The following ABCA6 variants were observed in gnomAD, a reference collection of about 807,000 sequenced individuals.
ABCA6 encodes ATP-binding cassette sub-family A member 6.
ABCA6 carries 164 observed loss-of-function variants against 191.2 expected under a neutral mutation model. The ratio of observed to expected loss-of-function variants is 0.86; its 90% confidence interval spans 0.76 to 0.98. The LOEUF is 0.98. ABCA6 is among the 50% of genes least tolerant of loss of function. The probability of loss-of-function intolerance (pLI) is 0.00; values close to 1 mark genes in which losing one functional copy is unlikely to be tolerated. For missense variants in ABCA6, 1,958 were observed against 1,894.1 expected (o/e 1.03, Z -0.63); for synonymous variants, 636 against 647.7 (o/e 0.98, Z 0.27).
chr17:69,110,891 TA>T lies in ABCA6; in HGVS notation c.2181del (p.Thr728LeufsTer9). The T allele has an allele frequency of 6.2e-7, 1 of 1,611,622 alleles. No individual in the cohort carries two copies. The highest frequency in any genetic ancestry group is 8.5e-7 in the Non-Finnish European group (1 of 1,178,658). On this transcript the variant is annotated frameshift_variant, in exon 17 of 39. Coordinates refer to ENST00000284425, the MANE Select transcript of ABCA6 (RefSeq NM_080284.3). LOFTEE classifies it high-confidence loss of function. ...AATTTAGCATCGGGGATGTGATGAGTAATGAAGGATGTTATTTGTTCTGGGT... is the reference window on the plus strand; with the variant it reads ...AATTTAGCATCGGGGATGTGATGAGTATGAAGGATGTTATTTGTTCTGGGT... ...ICNPEQITSF[I>X]THHIPDAKLK...
At chr17:69,083,662 T>C (rs1026578908) in intron 34 of ABCA6, among the ~76,000 whole-genome samples, 2 of 152,212 alleles carry the variant, frequency 1.3e-5, no homozygotes, top group Non-Finnish European at 2.9e-5. Context: ...TATTGATACC[T>C]GCTGAAACTT....
intron 20 of ABCA6, 114 bp downstream of exon 20, chr17:69,105,348 G>T (rs1568013088): frequency 2.0e-6 from 2 of 1,008,654 alleles, no homozygotes; most frequent in Non-Finnish European, 2.9e-6. Context: ...TTCTATAAAT[G>T]AAGTTTAAAT....
chr17:69,107,870 GTAAAT>G (rs2144662279), intron 17 of ABCA6, 58 bp from the exon 18 acceptor site: 1 of 937,404 alleles, frequency 1.1e-6, no homozygotes, highest in Admixed American at 2.1e-5. Context: ...ACTAAACCAA[GTAAAT>G]TAATACTTAT....
intron 17 of ABCA6, chr17:69,109,850 G>A (rs1400737100): frequency 4.6e-5 from 7 of 152,068 alleles, no homozygotes; most frequent in Non-Finnish European, 1.0e-4. Context: ...GAGTAATGAT[G>A]CTGGCAATTT....
chr17:69,110,880 G>A lies in ABCA6; in HGVS notation c.2193C>T (p.Ile731=). 6.2e-7 allele frequency: 1 copy of A among 1,611,774 alleles called. No individual in the cohort carries two copies. The part of the protein sequence containing the change: ...EQITSFITHH[I]PDAKLKTENK... ...TTTCTGTTTTTAATTTAGCATCGGG[G>A]ATGTGATGAGTAATGAAGGATGTTA... The change falls in exon 17 of 39, where the codon ATC becomes ATT. Residue 731 remains isoleucine, a synonymous_variant. Transcript: ENST00000284425.
chr17:69,079,320 G>A (rs2072572187), intron 37 of ABCA6, 55 bp from the exon 38 acceptor site: 9 of 1,409,316 alleles, frequency 6.4e-6, no homozygotes, highest in Non-Finnish European at 8.7e-6. Context: ...TTATTACCAA[G>A]AATTTTTTCA....
At chr17:69,105,399 T>A in intron 20 of ABCA6, 63 bp downstream of exon 20, 244 of 1,256,012 alleles carry the variant, frequency 1.9e-4, no homozygotes, top group Non-Finnish European at 2.4e-4. Context: ...CCCCCCCACC[T>A]CCTGTGCTAT....
rs202159258 is a variant in ABCA6 at position 69,114,938 on chromosome 17, C to T, written c.1607-1G>A. ...TTTTTATTATAGATGGTAACTGATC[C>T]TAAGAATAGAAGTTAAAAATAAAAT... is the stretch of plus-strand genomic sequence containing the variant. On this transcript the variant is annotated splice_acceptor_variant, in intron 12 of 38. Transcript: ENST00000284425. LOFTEE classifies it high-confidence loss of function. The T allele has an allele frequency of 6.3e-7, 1 of 1,594,978 alleles. No individual in the cohort carries two copies. The highest frequency in any genetic ancestry group is 1.1e-5 in the South Asian group (1 of 88,470).
intron 25 of ABCA6, chr17:69,094,184 C>T (rs554543718): frequency 6.6e-6 from 1 of 152,326 alleles, no homozygotes; most frequent in Admixed American, 6.5e-5. Context: ...TGTTAGTTCA[C>T]AAGCCTAAGA....
intron 25 of ABCA6, chr17:69,094,434 T>G (rs2073001749): frequency 6.6e-6 from 1 of 152,422 alleles, no homozygotes; most frequent in South Asian, 2.1e-4. Context: ...TGGAAGATTC[T>G]GGCCTATTAA....
chr17:69,133,053 C>A lies in ABCA6; in HGVS notation c.791+588G>T, dbSNP rs535259935. On this transcript the variant is annotated intron_variant, in intron 6 of 38. Transcript: ENST00000284425. ...AAGATATAAATATCAATATATATAG[C>A]AAATGCCCTTGCTAAGGTCTTCTTA... Among the ~76,000 whole-genome samples the A allele has an allele frequency of 2.0e-5, 3 of 152,248 alleles. No homozygotes were observed. In the South Asian group the frequency reaches 6.2e-4, roughly 32 times the overall value.
At chr17:69,119,127 T>C (rs1173524392) in intron 10 of ABCA6, among the ~76,000 whole-genome samples, 2 of 152,226 alleles carry the variant, frequency 1.3e-5, no homozygotes, top group Non-Finnish European at 1.5e-5. Context: ...GAGTTTTTCT[T>C]GGCAGTGAAG....
In ABCA6 at chr17:69,085,124, T is replaced by A. The variant is rs759910624; in HGVS notation, c.4088A>T (p.Asn1363Ile). 6.2e-7 allele frequency: 1 copy of A among 1,613,222 alleles called. No individual in the cohort carries two copies. Among genetic ancestry groups the A allele is most frequent in the Non-Finnish European group, 8.5e-7 (1 of 1,179,600 alleles). The change falls in exon 32 of 39, where the codon AAC (asparagine) becomes ATC (isoleucine). Residue 1363 changes from asparagine (N) to isoleucine (I), a missense_variant. Coordinates refer to ENST00000284425, the MANE Select transcript of ABCA6 (RefSeq NM_080284.3). Reference sequence around the variant, plus strand: ...CAACGTCAGCATGGGCCACAGCACGTTCTCTTGAGGGCAGTACCCCAGGTG... The same window carrying A: ...CAACGTCAGCATGGGCCACAGCACGATCTCTTGAGGGCAGTACCCCAGGTG... ...LGHLGYCPQE[N>I]VLWPMLTLRE...
chr17:69,113,092 C>T (rs1397689485), intron 15 of ABCA6, 130 bp downstream of exon 15: 4 of 1,059,562 alleles, frequency 3.8e-6, no homozygotes, highest in Non-Finnish European at 5.0e-6. Context: ...AGACTCCTGT[C>T]GTCCTCCTGA....
chr17:69,082,793 T>G, intron 36 of ABCA6, 80 bp downstream of exon 36: 2 of 1,570,154 alleles, frequency 1.3e-6, no homozygotes, highest in East Asian at 2.2e-5. Context: ...CAAATCACTA[T>G]GAAGTTCTCA....
intron 3 of ABCA6, among the ~76,000 whole-genome samples, 196 bp downstream of exon 3, chr17:69,137,100 C>T (rs1465685855): frequency 1.3e-5 from 2 of 152,160 alleles, no homozygotes; most frequent in Non-Finnish European, 2.9e-5. Flanking sequence ...CTAAACTGGA[C>T]TCCCAACAAG....
chr17:69,132,035 G>A (rs767277976), intron 6 of ABCA6, among the ~76,000 whole-genome samples: 4 of 151,990 alleles, frequency 2.6e-5, no homozygotes, highest in South Asian at 4.1e-4. Context: ...TTTATTTGAA[G>A]ACACAGGTTC....
intron 22 of ABCA6, 99 bp downstream of exon 22, chr17:69,100,698 G>A (rs1598459006): frequency 8.1e-7 from 1 of 1,230,892 alleles, no homozygotes; most frequent in East Asian, 2.7e-5. Context: ...TAATTTTCAG[G>A]CTTAACAATC....
At chr17:69,086,506 TATATAG>T in intron 30 of ABCA6, 106 bp downstream of exon 30, 1 of 279,840 alleles carries the variant, frequency 3.6e-6, no homozygotes, top group Non-Finnish European at 6.4e-6. Context: ...TATATATATA[TATATAG>T]AATAAATGAA....
Sources: gnomAD v4.1 joint callset for allele counts (sites outside exome capture counted in the v4.1 genomes callset) on GRCh38, gnomAD v4.1.1 for gene constraint, MANE v1.5 for transcripts, NCBI Gene and HGNC (gene_info 2026-07-23, HGNC 2026-07-21) for gene names.